Variants in KLHL1 observed in about 807,000 individuals in gnomAD.
The protein encoded by KLHL1 is kelch like family member 1.
A neutral mutation model predicts 77.7 loss-of-function variants in KLHL1; 47 were observed. The ratio of observed to expected loss-of-function variants is 0.60; its 90% CI spans 0.48 to 0.77. The LOEUF (loss-of-function observed/expected upper bound fraction) is 0.77, where lower values mean the gene tolerates loss of function less well. Ranked by LOEUF, KLHL1 falls within the 30% of genes least tolerant of loss-of-function variation. The pLI, the probability that KLHL1 is intolerant of heterozygous loss-of-function variation, is 0.00. For synonymous variants in KLHL1, 360 were observed against 325.2 expected, an observed-to-expected ratio of 1.11 and a Z score of -1.15; for missense variants, 925 against 910.8, an observed-to-expected ratio of 1.02 and a Z score of -0.20.
intron 4 of KLHL1, among the ~76,000 whole-genome samples, chr13:69,921,944 A>T (rs1171363022): frequency 1.4e-4 from 11 of 78,968 alleles, no homozygotes; most frequent in South Asian, 3.6e-4. Context: ...TTTTTTTTTT[A>T]AAGAGAGATG....
At chr13:70,105,366 A>G (rs17086370) in intron 1 of KLHL1, among the ~76,000 whole-genome samples, 18,500 of 151,728 alleles carry the variant, frequency 0.12, 1,692 homozygotes, top group East Asian at 0.32. Context: ...TCCAAATTAC[A>G]TAAAAGTCTT....
intron 1 of KLHL1, among the ~76,000 whole-genome samples, chr13:70,031,654 TG>T (rs1283161172): frequency 1.1e-4 from 17 of 152,104 alleles, no homozygotes; most frequent in African/African-American, 3.1e-4. Flanking sequence ...CTGAGCAGGA[TG>T]GGGGTAAGCT....
chr13:70,097,911 G>A (rs1190446947), intron 1 of KLHL1, among the ~76,000 whole-genome samples: 1 of 150,134 alleles, frequency 6.7e-6, no homozygotes, highest in Non-Finnish European at 1.5e-5. Flanking sequence ...AATTTTAATA[G>A]GCTAGGTATC....
intron 1 of KLHL1, among the ~76,000 whole-genome samples, chr13:70,043,642 T>C (rs1220881766): frequency 6.6e-6 from 1 of 152,208 alleles, no homozygotes; most frequent in Non-Finnish European, 1.5e-5. Context: ...GATACACAAA[T>C]AACATTGTGT....
intron 6 of KLHL1, among the ~76,000 whole-genome samples, chr13:69,805,720 TC>T (rs1383942185): frequency 6.6e-6 from 1 of 150,910 alleles, no homozygotes; most frequent in Non-Finnish European, 1.5e-5. Flanking sequence ...ACACTACAAT[TC>T]TGTTGAGAGA....
At chr13:69,790,630 ATG>A (rs1168413331) in intron 7 of KLHL1, among the ~76,000 whole-genome samples, 3 of 152,250 alleles carry the variant, frequency 2.0e-5, no homozygotes, top group Non-Finnish European at 1.5e-5. Flanking sequence ...GAAAAAGACA[ATG>A]TGTATTAACA....
chr13:69,783,517 T>C (rs886183698), intron 7 of KLHL1, among the ~76,000 whole-genome samples: 6 of 151,884 alleles, frequency 4.0e-5, no homozygotes, highest in Non-Finnish European at 8.8e-5. Context: ...GCTTGAGAAC[T>C]ACGTGAAGAA....
intron 4 of KLHL1, among the ~76,000 whole-genome samples, chr13:69,935,018 GTATCAT>G (rs1883136227): frequency 7.3e-6 from 1 of 137,540 alleles, no homozygotes; most frequent in Non-Finnish European, 1.5e-5. Flanking sequence ...TCATTATAAA[GTATCAT>G]TATCATTATA....
In KLHL1 at chr13:69,916,577, C is replaced by A. The variant is rs576965543; in HGVS notation, c.1014+23463G>T. On this transcript the variant is annotated intron_variant, in intron 4 of 10. Coordinates refer to ENST00000377844, the MANE Select transcript of KLHL1 (RefSeq NM_020866.3). ...GACAGAGGAAGGGGAACATCACATA[C>A]CGGGGCCTGTTGTGGAGTGGGGGGA... Among the ~76,000 whole-genome samples, 140 of 151,656 alleles carry A rather than the reference C, an allele frequency of 9.2e-4. 1 individual carries two copies. Among genetic ancestry groups the A allele is most frequent in the Middle Eastern group, 6.8e-3 (2 of 294 alleles).
chr13:69,945,462 GA>G (rs58910588), intron 3 of KLHL1, among the ~76,000 whole-genome samples: 4,454 of 106,446 alleles, frequency 0.042, 188 homozygotes, highest in African/African-American at 0.12. Context: ...TTAAAAGAAA[GA>G]AAAAAAAAAA....
At chr13:69,778,398 T>G (rs1331473180) in intron 7 of KLHL1, among the ~76,000 whole-genome samples, 3 of 151,982 alleles carry the variant, frequency 2.0e-5, no homozygotes, top group Non-Finnish European at 4.4e-5. Context: ...CTAAAAGGTA[T>G]GCTATAGGCT....
chr13:69,781,044 G>C (rs1221634315), intron 7 of KLHL1, among the ~76,000 whole-genome samples: 1 of 151,602 alleles, frequency 6.6e-6, no homozygotes. Flanking sequence ...AGTAGAATCA[G>C]ACTTCTTCTA....
At chr13:69,972,979 T>G (rs970291141) in intron 2 of KLHL1, among the ~76,000 whole-genome samples, 29 of 152,078 alleles carry the variant, frequency 1.9e-4, no homozygotes, top group African/African-American at 7.0e-4. Flanking sequence ...TTTGGTTTAC[T>G]TGTTGCTGAT....
chr13:70,004,419 T>C (rs1356018773), intron 1 of KLHL1, among the ~76,000 whole-genome samples: 2 of 151,910 alleles, frequency 1.3e-5, no homozygotes, highest in Admixed American at 1.3e-4. Flanking sequence ...TCCTGACCCT[T>C]TCTTTGGTCA....
At chr13:70,089,926 T>C (rs1483229456) in intron 1 of KLHL1, among the ~76,000 whole-genome samples, 1 of 152,050 alleles carries the variant, frequency 6.6e-6, no homozygotes, top group Non-Finnish European at 1.5e-5. Flanking sequence ...TGTATTACAT[T>C]AAAGTAACCA....
In KLHL1 at chr13:69,780,709, T is replaced by TATATATATATATAC. The variant is rs1333208359; in HGVS notation, c.1639+16028_1639+16029insGTATATATATATAT. Among the ~76,000 whole-genome samples the TATATATATATATAC allele has an allele frequency of 4.0e-4, 15 of 37,344 alleles. 1 individual carries two copies. The highest frequency in any genetic ancestry group is 3.0e-3 in the South Asian group (4 of 1,334). The allele number at this position is 37,344 out of a possible 152,430, so 24.5% of individuals were successfully genotyped here. A position where few individuals can be genotyped will look rare whatever the true frequency, so the allele number is the denominator to read the frequency against. ...TCATATATATATATATATGTATATA[T>TATATATATATATAC]ATATATGTATATATATATATATACA... On this transcript the variant is annotated intron_variant, in intron 7 of 10. Transcript: ENST00000377844.
intron 4 of KLHL1, among the ~76,000 whole-genome samples, chr13:69,893,779 A>C (rs1881525047): frequency 6.6e-6 from 1 of 152,192 alleles, no homozygotes; most frequent in Non-Finnish European, 1.5e-5. Flanking sequence ...TCAATTCTGG[A>C]AATGGCTGTT....
At chr13:69,932,387 C>A (rs879373784) in intron 4 of KLHL1, among the ~76,000 whole-genome samples, 10 of 151,502 alleles carry the variant, frequency 6.6e-5, no homozygotes, top group Non-Finnish European at 1.2e-4. Context: ...CCCTGGAAGA[C>A]CCTGACATTT....
intron 7 of KLHL1, among the ~76,000 whole-genome samples, chr13:69,779,494 C>A (rs1437321589): frequency 1.3e-5 from 2 of 150,468 alleles, no homozygotes; most frequent in Non-Finnish European, 3.0e-5. Flanking sequence ...TTCCTTTTCC[C>A]TTCTTTCCTG....
Sources: allele counts gnomAD v4.1 joint callset (sites outside exome capture counted in the v4.1 genomes callset), GRCh38; gene constraint gnomAD v4.1.1; transcripts MANE v1.5; gene names NCBI Gene and HGNC (gene_info 2026-07-23, HGNC 2026-07-21).